EXT1: variants seen among roughly 807,000 people sequenced by gnomAD.
EXT1 encodes exostosin-1.
EXT1 carries 20 observed loss-of-function variants against 82.5 expected under a neutral mutation model. The observed-to-expected ratio is 0.24, with a 90% CI of 0.17 to 0.35. EXT1 has a LOEUF of 0.35. Ranked by LOEUF, EXT1 falls within the 10% of genes least tolerant of loss-of-function variation. EXT1 has a pLI of 1.00. For missense variants in EXT1, 757 were observed against 936.5 expected (o/e 0.81, Z 2.50); for synonymous variants, 348 against 350.8 (o/e 0.99, Z 0.09).
chr8:117,831,387 T>A (rs1461961391), intron 3 of EXT1, among the ~76,000 whole-genome samples: 4 of 152,220 alleles, frequency 2.6e-5, no homozygotes, highest in African/African-American at 9.6e-5. Context: ...ATTATTGGTA[T>A]CAGGGTGATG....
intron 10 of EXT1, 112 bp from the exon 11 acceptor site, chr8:117,800,009 G>T: frequency 8.8e-7 from 1 of 1,141,786 alleles, no homozygotes; most frequent in Non-Finnish European, 1.3e-6. Flanking sequence ...TTGGGGTCTG[G>T]CCCGGCCACC....
At chr8:117,870,197 A>C (rs573255905) in intron 1 of EXT1, among the ~76,000 whole-genome samples, 1 of 152,356 alleles carries the variant, frequency 6.6e-6, no homozygotes, top group Admixed American at 6.5e-5. Flanking sequence ...CATAAACAAA[A>C]CTAAAACTGA....
intron 5 of EXT1, among the ~76,000 whole-genome samples, chr8:117,821,931 TGTA>T (rs1202563655): frequency 6.6e-6 from 1 of 152,204 alleles, no homozygotes; most frequent in African/African-American, 2.4e-5. Context: ...AAGCAGAGAT[TGTA>T]TCTTATTTGA....
At chr8:117,866,032 C>T (rs1263628791) in intron 1 of EXT1, among the ~76,000 whole-genome samples, 3 of 152,104 alleles carry the variant, frequency 2.0e-5, no homozygotes, top group Non-Finnish European at 4.4e-5. Flanking sequence ...TGAGACCAGC[C>T]TGGCCAACAT....
intron 1 of EXT1, among the ~76,000 whole-genome samples, chr8:117,910,297 G>C (rs1242782125): frequency 6.6e-6 from 1 of 152,182 alleles, no homozygotes; most frequent in Non-Finnish European, 1.5e-5. Flanking sequence ...CTGCCAGGAG[G>C]AAGGCAAATA....
chr8:117,956,901 C>T (rs1586308343), intron 1 of EXT1, among the ~76,000 whole-genome samples: 1 of 152,144 alleles, frequency 6.6e-6, no homozygotes. Context: ...TACCCGCCTC[C>T]GTGAAGGAGG....
intron 1 of EXT1, among the ~76,000 whole-genome samples, chr8:117,851,616 G>GACAC (rs35686154): frequency 0.092 from 13,583 of 147,892 alleles, 790 homozygotes; most frequent in South Asian, 0.2. Flanking sequence ...AATTTAGCTG[G>GACAC]ACACACACAC....
intron 4 of EXT1, among the ~76,000 whole-genome samples, chr8:117,829,604 G>A (rs765898190): frequency 1.5e-5 from 1 of 65,572 alleles, no homozygotes; most frequent in African/African-American, 5.4e-5. Flanking sequence ...GTGGAGTTTT[G>A]CTCTTGTTGC....
intron 1 of EXT1, among the ~76,000 whole-genome samples, chr8:118,012,908 TG>T (rs1005067390): frequency 3.9e-5 from 6 of 152,230 alleles, no homozygotes; most frequent in Admixed American, 2.6e-4. Flanking sequence ...AGCAGAATGG[TG>T]GCCTGATTCT....
At chr8:117,965,277 G>A (rs1165122723) in intron 1 of EXT1, among the ~76,000 whole-genome samples, 1 of 151,984 alleles carries the variant, frequency 6.6e-6, no homozygotes, top group Non-Finnish European at 1.5e-5. Context: ...ATTACAAAAT[G>A]TCTGATGTCT....
chr8:118,092,980 T>A (rs1817548843), intron 1 of EXT1, among the ~76,000 whole-genome samples: 1 of 152,260 alleles, frequency 6.6e-6, no homozygotes, highest in African/African-American at 2.4e-5. Context: ...AAAGTGAGTA[T>A]CTTATACTTT....
rs550776873 is a variant in EXT1 at position 117,874,545 on chromosome 8, C to CA, written c.963-37345dup. Among the ~76,000 whole-genome samples, 26 of 129,468 alleles carry CA rather than the reference C, an allele frequency of 2.0e-4. No homozygotes were observed. In the South Asian group the frequency reaches 2.5e-3, roughly 12 times the overall value. The allele number at this position is 129,468 out of a possible 152,430, so 84.9% of individuals were successfully genotyped here. A position where few individuals can be genotyped will look rare whatever the true frequency, so the allele number is the denominator to read the frequency against. ...GAGCTGAGATCGTGCCACTTCACTCCAGCCTAGGCAACAAAGTGAGACTCT... is the reference window on the plus strand; with the variant it reads ...GAGCTGAGATCGTGCCACTTCACTCCAAGCCTAGGCAACAAAGTGAGACTCT... On this transcript the variant is annotated intron_variant, in intron 1 of 10. Coordinates refer to ENST00000378204, the MANE Select transcript of EXT1 (RefSeq NM_000127.3).
chr8:118,002,512 C>A (rs1815690626), intron 1 of EXT1, among the ~76,000 whole-genome samples: 2 of 142,544 alleles, frequency 1.4e-5, no homozygotes, highest in Admixed American at 7.2e-5. Flanking sequence ...CTATGGAAAA[C>A]AGTGTGAATA....
chr8:118,028,339 A>T (rs1301680377), intron 1 of EXT1, among the ~76,000 whole-genome samples: 1 of 152,236 alleles, frequency 6.6e-6, no homozygotes, highest in Non-Finnish European at 1.5e-5. Context: ...TTGGAAAAAC[A>T]CCAGATACCT....
At chr8:117,893,014 T>G (rs878904722) in intron 1 of EXT1, among the ~76,000 whole-genome samples, 1 of 152,234 alleles carries the variant, frequency 6.6e-6, no homozygotes, top group African/African-American at 2.4e-5. Context: ...TCTTCTACAT[T>G]TAAAATTGTG....
rs182866943 is a variant in EXT1 at position 117,795,785 on chromosome 8, G to C, written c.*3927C>G. 2 of 151,880 alleles carry C rather than the reference G, an allele frequency of 1.3e-5. No individual in the cohort carries two copies. Among genetic ancestry groups the C allele is most frequent in the East Asian group, 3.9e-4 (2 of 5,156 alleles). The allele number at this position is 151,880 out of a possible 1,614,324, so 9.4% of individuals were successfully genotyped here. A position where few individuals can be genotyped will look rare whatever the true frequency, so the allele number is the denominator to read the frequency against. On this transcript the variant is annotated 3_prime_UTR_variant, in exon 11 of 11. Transcript: ENST00000378204. ...CAATGCATTCCAGCCTGGGTGACAG[G>C]GCAAGACTCTGTCTCAAAGAAAAAA... is the stretch of plus-strand genomic sequence containing the variant.
In EXT1 at chr8:117,973,857, AAAGGAAAGGAAAGGAAAGGAAAGGAAAGG is replaced by A. The variant is rs1338752809; in HGVS notation, c.962+136199_962+136227del. Among the ~76,000 whole-genome samples the A allele has an allele frequency of 2.9e-3, 410 of 143,528 alleles. 16 individuals carry two copies. Among genetic ancestry groups the A allele is most frequent in the African/African-American group, 0.01 (376 of 37,018 alleles). The allele number at this position is 143,528 out of a possible 152,430, so 94.2% of individuals were successfully genotyped here. A position where few individuals can be genotyped will look rare whatever the true frequency, so the allele number is the denominator to read the frequency against. On this transcript the variant is annotated intron_variant, in intron 1 of 10. Coordinates refer to ENST00000378204, the MANE Select transcript of EXT1 (RefSeq NM_000127.3). ...AAAGGAAAGGAAAGGAAAGGAAAGG[AAAGGAAAGGAAAGGAAAGGAAAGGAAAGG>A]AAGGAAAGGAAAGAAAAGGAAAGGA...
intron 1 of EXT1, among the ~76,000 whole-genome samples, chr8:118,079,130 A>G (rs1817264377): frequency 6.6e-6 from 1 of 152,230 alleles, no homozygotes; most frequent in Non-Finnish European, 1.5e-5. Context: ...TCAGGAAAAT[A>G]GTCATCAAAA....
At chr8:117,848,330 G>T (rs1812398625) in intron 1 of EXT1, among the ~76,000 whole-genome samples, 1 of 152,136 alleles carries the variant, frequency 6.6e-6, no homozygotes, top group Non-Finnish European at 1.5e-5. Flanking sequence ...TCTAGATTCT[G>T]CCATTTCCTT....
Sources: allele counts gnomAD v4.1 joint callset (sites outside exome capture counted in the v4.1 genomes callset), GRCh38; gene constraint gnomAD v4.1.1; transcripts MANE v1.5; gene names NCBI Gene and HGNC (gene_info 2026-07-23, HGNC 2026-07-21).